Variants in FGF14 observed in about 807,000 individuals in gnomAD.
FGF14 encodes fibroblast growth factor homologous factor 4.
A neutral mutation model predicts 25.5 loss-of-function variants in FGF14; 5 were observed. That is an observed-to-expected ratio of 0.20 (90% CI 0.10 to 0.41). The LOEUF is 0.41. Among genes scored for constraint, FGF14 ranks in the 10% least tolerant of loss-of-function variants. The pLI, the probability that FGF14 is intolerant of heterozygous loss-of-function variation, is 1.00. For missense variants in FGF14, 222 were observed against 320.1 expected (o/e 0.69, Z 2.34); for synonymous variants, 138 against 118.3 (o/e 1.17, Z -1.08).
chr13:102,230,493 G>A (rs1251496090), intron 1 of FGF14, among the ~76,000 whole-genome samples: 1 of 152,122 alleles, frequency 6.6e-6, no homozygotes, highest in East Asian at 1.9e-4. Flanking sequence ...GGAGTACAAA[G>A]GAAAAAGTGG....
intron 3 of FGF14, among the ~76,000 whole-genome samples, chr13:101,791,223 G>A (rs1227789445): frequency 6.6e-6 from 1 of 152,162 alleles, no homozygotes; most frequent in East Asian, 1.9e-4. Context: ...TCAAAGGGTT[G>A]TTGTGAGGCT....
chr13:102,333,300 G>C (rs1347300871), intron 1 of FGF14, among the ~76,000 whole-genome samples: 1 of 152,164 alleles, frequency 6.6e-6, no homozygotes, highest in African/African-American at 2.4e-5. Flanking sequence ...TTTATAACTA[G>C]AAAATCAGTG....
intron 3 of FGF14, among the ~76,000 whole-genome samples, chr13:101,844,912 T>A (rs2043371736): frequency 6.6e-6 from 1 of 152,044 alleles, no homozygotes; most frequent in Non-Finnish European, 1.5e-5. Context: ...CCTGACATCG[T>A]AGGAATTTAC....
chr13:101,953,757 A>C (rs2036331485), intron 1 of FGF14, among the ~76,000 whole-genome samples: 2 of 151,410 alleles, frequency 1.3e-5, no homozygotes, highest in Non-Finnish European at 2.9e-5. Flanking sequence ...CGGCTGGCTA[A>C]TTTTGTATTT....
At position 101,715,180 on chromosome 13, in the gene FGF14, G is replaced by A. The variant is rs749519754; in HGVS notation, c.*7651C>T. 3.8e-5 allele frequency: 7 copies of A among 184,456 alleles called. No homozygotes were observed. In the East Asian group the frequency reaches 5.9e-4, roughly 15 times the overall value. The allele number at this position is 184,456 out of a possible 1,614,324, so 11.4% of individuals were successfully genotyped here. A position where few individuals can be genotyped will look rare whatever the true frequency, so the allele number is the denominator to read the frequency against. On this transcript the variant is annotated 3_prime_UTR_variant, in exon 5 of 5. Transcript: ENST00000376143. Reference sequence around the variant, plus strand: ...TTTGCTTTCTGCCCATCCTTACTACGTAAGACTCTCTTCACGGATTACTTG... The same window carrying A: ...TTTGCTTTCTGCCCATCCTTACTACATAAGACTCTCTTCACGGATTACTTG...
At chr13:101,950,000 TC>T (rs1193019290) in intron 1 of FGF14, among the ~76,000 whole-genome samples, 47 of 152,292 alleles carry the variant, frequency 3.1e-4, no homozygotes, top group African/African-American at 1.1e-3. Flanking sequence ...GTTTTCTTTT[TC>T]TTTTTCTTTT....
chr13:101,906,234 C>T (rs933550423), intron 1 of FGF14, among the ~76,000 whole-genome samples: 7 of 152,136 alleles, frequency 4.6e-5, no homozygotes, highest in African/African-American at 1.7e-4. Context: ...CAGCAGTCAT[C>T]TCATTTGCTG....
In FGF14 at chr13:101,916,747, G is replaced by A. The variant is rs2033549555; in HGVS notation, c.-102C>T. 12 of 1,027,050 alleles carry A rather than the reference G, an allele frequency of 1.2e-5. No individual in the cohort carries two copies. In the South Asian group the frequency reaches 2.0e-4, roughly 17 times the overall value. 63.6% of individuals were successfully genotyped at this position (1,027,050 alleles called of 1,614,324 possible). A position where few individuals can be genotyped will look rare whatever the true frequency, so the allele number is the denominator to read the frequency against. ...GGCGCAGACCGTGGCTCGCCCTCGGGGCAGAGGAGGGGGTGCCAGGCGGGA... is the reference window on the plus strand; with the variant it reads ...GGCGCAGACCGTGGCTCGCCCTCGGAGCAGAGGAGGGGGTGCCAGGCGGGA... On this transcript the variant is annotated 5_prime_UTR_variant, in exon 1 of 5. Transcript: ENST00000376143.
chr13:101,939,669 T>C (rs1386434892), intron 1 of FGF14, among the ~76,000 whole-genome samples: 1 of 152,226 alleles, frequency 6.6e-6, no homozygotes, highest in Non-Finnish European at 1.5e-5. Flanking sequence ...ATCCTCTTCC[T>C]TGTTTCTAAT....
At chr13:102,091,472 A>G (rs2044162540) in intron 1 of FGF14, among the ~76,000 whole-genome samples, 1 of 152,082 alleles carries the variant, frequency 6.6e-6, no homozygotes, top group Non-Finnish European at 1.5e-5. Context: ...CCCCACCAAC[A>G]GCAGAGCCTC....
chr13:102,157,176 C>G (rs1371418991), intron 1 of FGF14, among the ~76,000 whole-genome samples: 2 of 152,062 alleles, frequency 1.3e-5, no homozygotes, highest in African/African-American at 2.4e-5. Context: ...TCATATGGAA[C>G]CAAAAAAGAG....
chr13:101,974,089 T>C (rs2037779020), intron 1 of FGF14, among the ~76,000 whole-genome samples: 1 of 152,250 alleles, frequency 6.6e-6, no homozygotes, highest in Admixed American at 6.5e-5. Context: ...TTTGTTCATT[T>C]TGACTTGAGT....
intron 3 of FGF14, among the ~76,000 whole-genome samples, chr13:101,856,961 A>G (rs947337011): frequency 1.3e-5 from 2 of 152,000 alleles, no homozygotes; most frequent in African/African-American, 4.8e-5. Context: ...TAAAAGGTCC[A>G]TAGTGGAAAG....
intron 4 of FGF14, among the ~76,000 whole-genome samples, chr13:101,724,430 A>AGGGG (rs2035225382): frequency 2.4e-5 from 3 of 124,532 alleles, no homozygotes; most frequent in Non-Finnish European, 5.0e-5. Flanking sequence ...CATCACACAC[A>AGGGG]CGGGCCTGTT....
chr13:102,153,282 GC>G (rs1176633122), intron 1 of FGF14, among the ~76,000 whole-genome samples: 12 of 152,148 alleles, frequency 7.9e-5, no homozygotes, highest in Admixed American at 6.6e-4. Context: ...ATATGTAGAT[GC>G]CCCTGATACG....
chr13:101,802,094 G>A, intron 3 of FGF14: 1 of 267,844 alleles, frequency 3.7e-6, no homozygotes. Flanking sequence ...AGGTTCGGAT[G>A]GGGAAATGAA....
chr13:102,240,628 G>A (rs893130106), intron 1 of FGF14, among the ~76,000 whole-genome samples: 1 of 152,128 alleles, frequency 6.6e-6, no homozygotes, highest in Non-Finnish European at 1.5e-5. Flanking sequence ...GAACTACTCA[G>A]TAAGTATTGC....
chr13:101,961,740 T>G (rs1032550481), intron 1 of FGF14, among the ~76,000 whole-genome samples: 1 of 152,180 alleles, frequency 6.6e-6, no homozygotes, highest in Non-Finnish European at 1.5e-5. Context: ...GCTCAGCACT[T>G]CTCCTTGCTG....
At chr13:101,983,472 T>C (rs2038385379) in intron 1 of FGF14, among the ~76,000 whole-genome samples, 1 of 152,196 alleles carries the variant, frequency 6.6e-6, no homozygotes, top group South Asian at 2.1e-4. Flanking sequence ...ATCCTTGTTA[T>C]GAATAGGAAT....
Sources: gnomAD v4.1 joint callset for allele counts (sites outside exome capture counted in the v4.1 genomes callset) on GRCh38, gnomAD v4.1.1 for gene constraint, MANE v1.5 for transcripts, NCBI Gene and HGNC (gene_info 2026-07-23, HGNC 2026-07-21) for gene names.